Variants in AGRN observed in about 807,000 individuals in gnomAD.
AGRN encodes the protein agrin proteoglycan.
Under a neutral mutation model 211.0 loss-of-function variants are expected in AGRN, and 106 were observed. That is an observed-to-expected ratio of 0.50 (90% confidence interval 0.43 to 0.59). The LOEUF (loss-of-function observed/expected upper bound fraction) is 0.59, where lower values mean the gene tolerates loss of function less well. Ranked by LOEUF, AGRN falls within the 20% of genes least tolerant of loss-of-function variation. AGRN has a pLI of 0.00. For synonymous variants in AGRN, 1,525 were observed against 1,332.5 expected (o/e 1.14, Z -3.15); for missense variants, 3,040 against 2,982.6 (o/e 1.02, Z -0.45).
Position 1,048,148 on chromosome 1 carries a change from G to A in AGRN, c.3888G>A (p.Gln1296=). Residue 1296 remains glutamine, a synonymous_variant, in exon 23 of 36, where the codon CAG becomes CAA. Transcript: ENST00000379370. This position sits in a 1 kb window ranked among gnomAD's most constrained non-coding sequence, Gnocchi z 5.9. ...PRAPHPSHTS[Q]PVAKTTAAPT... ...CCCCGCACCCCAGTCACACAAGCCA[G>A]CCCGTTGCCAAGACCACGGCAGCCC... The A allele has an allele frequency of 6.3e-7, 1 of 1,578,388 alleles. No individual in the cohort carries two copies. Among genetic ancestry groups the A allele is most frequent in the Non-Finnish European group, 8.6e-7 (1 of 1,169,132 alleles).
chr1:1,030,960 G>GTGT (rs1268421983), intron 2 of AGRN, among the ~76,000 whole-genome samples: 3 of 134,430 alleles, frequency 2.2e-5, no homozygotes, highest in Non-Finnish European at 1.6e-5. Context: ...TGCTGTGTGA[G>GTGT]ATCAGCATGT....
At chr1:1,041,419 C>T (rs771994278) in intron 5 of AGRN, 22 bp downstream of exon 5, 16 of 1,544,696 alleles carry the variant, frequency 1.0e-5, no homozygotes, top group Admixed American at 9.7e-5. Flanking sequence ...GGCGGGCGCA[C>T]GGCTCGAGCT....
At chr1:1,028,638 C>T (rs1644577804) in intron 2 of AGRN, among the ~76,000 whole-genome samples, 1 of 96,536 alleles carries the variant, frequency 1.0e-5, no homozygotes, top group African/African-American at 4.0e-5. Flanking sequence ...CCCAAGGAAC[C>T]GAGCCCCAGC....
Position 1,054,807 on chromosome 1 carries a change from C to CA in AGRN, c.5981-16dup. 6.4e-7 allele frequency: 1 copy of CA among 1,550,814 alleles called. No individual in the cohort carries two copies. The highest frequency in any genetic ancestry group is 8.7e-7 in the Non-Finnish European group (1 of 1,150,482). Reference sequence around the variant, plus strand: ...CACTGAGTCACAGCCGGGTGACTCCCACTGTCTGTGCTGCAGGGGGCCTGC... The same window carrying CA: ...CACTGAGTCACAGCCGGGTGACTCCCAACTGTCTGTGCTGCAGGGGGCCTGC... On this transcript the variant is annotated splice_polypyrimidine_tract_variant and intron_variant, in intron 35 of 35. Transcript: ENST00000379370.
chr1:1,053,956 G>T lies in AGRN; in HGVS notation c.5855G>T (p.Trp1952Leu). 6.2e-7 allele frequency: 1 copy of T among 1,602,536 alleles called. No homozygotes were observed. The highest frequency in any genetic ancestry group is 1.1e-5 in the South Asian group (1 of 89,312). ...ACCGTGCCCGTCAACACCAACCGCT[G>T]GTTGCGGGTCGTGGCACATAGGTGA... ...RSTVPVNTNR[W>L]LRVVAHREQR... Residue 1952 changes from tryptophan (W) to leucine (L), a missense_variant, in exon 34 of 36, where the codon TGG becomes TTG. Around this residue, in one of 3 missense-constraint regions of AGRN, gnomAD observed 1,537 missense variants for 1,505.0 expected, o/e 1.02. Coordinates refer to ENST00000379370, the MANE Select transcript of AGRN (RefSeq NM_198576.4).
chr1:1,025,652 G>A (rs1327665357), intron 2 of AGRN, among the ~76,000 whole-genome samples: 1 of 149,068 alleles, frequency 6.7e-6, no homozygotes, highest in East Asian at 2.0e-4. Context: ...GCCCCTCTCT[G>A]GCCCTCCCCC....
At chr1:1,035,836 A>G (rs1215977347) in intron 3 of AGRN, among the ~76,000 whole-genome samples, 1 of 145,742 alleles carries the variant, frequency 6.9e-6, no homozygotes, top group Admixed American at 6.8e-5. Context: ...GCAGGCTGTC[A>G]TGGGGGGACA....
chr1:1,034,790 G>A, intron 2 of AGRN: 1 of 897,234 alleles, frequency 1.1e-6, no homozygotes, highest in South Asian at 4.3e-5. Context: ...CGGCGGGTCC[G>A]CGGGGCTCCC....
At chr1:1,039,266 TGCAGGGATG>T (rs1644871378) in intron 3 of AGRN, among the ~76,000 whole-genome samples, 1 of 151,094 alleles carries the variant, frequency 6.6e-6, no homozygotes, top group Non-Finnish European at 1.5e-5. Flanking sequence ...ATGGGTAGGT[TGCAGGGATG>T]GCAGGCGGAT....
At position 1,050,601 on chromosome 1, in the gene AGRN, C is replaced by T; in HGVS notation, c.5141+10C>T. ...GGGCAGCGGTCATCAGGTGGGCCGGCAAGGGTGGCTCTGGGAGGCCTGGGG... is the reference window on the plus strand; with the variant it reads ...GGGCAGCGGTCATCAGGTGGGCCGGTAAGGGTGGCTCTGGGAGGCCTGGGG... On this transcript the variant is annotated intron_variant, in intron 29 of 35. Transcript: ENST00000379370. The T allele has an allele frequency of 6.2e-7, 1 of 1,607,302 alleles. No individual in the cohort carries two copies. The highest frequency in any genetic ancestry group is 8.5e-7 in the Non-Finnish European group (1 of 1,176,988).
At chr1:1,044,521 G>A in intron 12 of AGRN, 82 bp downstream of exon 12, 1 of 1,360,160 alleles carries the variant, frequency 7.4e-7, no homozygotes, top group East Asian at 2.5e-5. Flanking sequence ...GTGCCCGTGT[G>A]CTGCGTTGGG....
intron 30 of AGRN, 76 bp from the exon 31 acceptor site, chr1:1,051,177 G>GGGC: frequency 9.2e-7 from 1 of 1,082,366 alleles, no homozygotes; most frequent in Non-Finnish European, 1.4e-6. Flanking sequence ...GGTGGGGCGG[G>GGGC]TGCGTGCAGG....
intron 2 of AGRN, among the ~76,000 whole-genome samples, chr1:1,029,666 T>C (rs1644609155): frequency 3.7e-5 from 1 of 26,760 alleles, no homozygotes; most frequent in African/African-American, 7.2e-5. Context: ...TGCTGTGAGA[T>C]CAGCATGTGT....
At chr1:1,037,753 G>T (rs1644835263) in intron 3 of AGRN, among the ~76,000 whole-genome samples, 1 of 152,344 alleles carries the variant, frequency 6.6e-6, no homozygotes, top group East Asian at 1.9e-4. Flanking sequence ...GCACAGATGT[G>T]TCTGAGCCCA....
Position 1,041,284 on chromosome 1 carries a change from C to A in AGRN, c.839C>A (p.Pro280His). 6.6e-7 allele frequency: 1 copy of A among 1,513,656 alleles called. No individual in the cohort carries two copies. Among genetic ancestry groups the A allele is most frequent in the Non-Finnish European group, 8.8e-7 (1 of 1,136,658 alleles). 93.8% of individuals were successfully genotyped at this position (1,513,656 alleles called of 1,614,324 possible). ...TGCCCCGCGACCTGCCGTGGCGCCC[C>A]CGAGGGGACCGTCTGCGGCAGCGAC... Reference protein sequence around the residue: ...CLCPATCRGAPEGTVCGSDGA... With the variant: ...CLCPATCRGAHEGTVCGSDGA... The change falls in exon 5 of 36, where the codon CCC becomes CAC. Residue 280 changes from proline (P) to histidine (H), a missense_variant. By Grantham distance (77) the Pro-to-His change is moderately conservative. Around this residue, in one of 3 missense-constraint regions of AGRN, gnomAD observed 1,498 missense variants for 1,457.8 expected, o/e 1.03. Transcript: ENST00000379370.
Position 1,049,515 on chromosome 1 carries a change from G to A in AGRN, c.4515-51G>A, listed in dbSNP as rs562139109. The A allele has an allele frequency of 3.2e-5, 51 of 1,594,528 alleles. No individual in the cohort carries two copies. In the South Asian group the frequency reaches 3.7e-4, roughly 12 times the overall value. ...CCTTTGGGGTCCCGGTGTACGAGGTGGCTTTGCCTGTGGCCCCTGAGCCCT... is the reference window on the plus strand; with the variant it reads ...CCTTTGGGGTCCCGGTGTACGAGGTAGCTTTGCCTGTGGCCCCTGAGCCCT... On this transcript the variant is annotated intron_variant, in intron 25 of 35. Transcript: ENST00000379370.
At chr1:1,025,319 T>C (rs1644496831) in intron 2 of AGRN, among the ~76,000 whole-genome samples, 1 of 151,936 alleles carries the variant, frequency 6.6e-6, no homozygotes, top group Non-Finnish European at 1.5e-5. Flanking sequence ...CCTCCCTTCC[T>C]CCCTGCCTGG....
At chr1:1,030,010 C>G in intron 2 of AGRN, among the ~76,000 whole-genome samples, 1 of 79,908 alleles carries the variant, frequency 1.3e-5, no homozygotes, top group African/African-American at 6.5e-5. Flanking sequence ...GTGCATGGTG[C>G]TGTGAGATCA....
intron 34 of AGRN, among the ~76,000 whole-genome samples, 198 bp from the exon 35 acceptor site, chr1:1,054,250 T>G (rs1434224497): frequency 6.6e-6 from 1 of 152,202 alleles, no homozygotes; most frequent in Non-Finnish European, 1.5e-5. Context: ...AAGCTTGAGC[T>G]GCAGGAATGT....
Sources: gnomAD v4.1 joint callset for allele counts (sites outside exome capture counted in the v4.1 genomes callset) on GRCh38, gnomAD v4.1.1 for gene constraint, gnomAD v4.1.1 regional missense constraint, Gnocchi (gnomAD v3.1) non-coding constraint, MANE v1.5 for transcripts, NCBI Gene and HGNC (gene_info 2026-07-23, HGNC 2026-07-21) for gene names.